The following TPO variants were observed in gnomAD, a reference collection of about 807,000 sequenced individuals.
TPO encodes the protein thyroid peroxidase.
In TPO, 78 loss-of-function variants were observed where a neutral mutation model predicts 96.9. The observed-to-expected ratio is 0.81, with a 90% CI of 0.67 to 0.97. The LOEUF (loss-of-function observed/expected upper bound fraction) is 0.97, where lower values mean the gene tolerates loss of function less well. Among genes scored for constraint, TPO ranks in the 50% least tolerant of loss-of-function variants. TPO has a pLI of 0.00. For synonymous variants in TPO, 547 were observed against 538.0 expected, an observed-to-expected ratio of 1.02 and a Z score of -0.23; for missense variants, 1,252 against 1,274.8, an observed-to-expected ratio of 0.98 and a Z score of 0.27.
intron 1 of TPO, among the ~76,000 whole-genome samples, chr2:1,403,562 T>C (rs1320126222): frequency 6.6e-6 from 1 of 152,126 alleles, no homozygotes; most frequent in Admixed American, 6.5e-5. Flanking sequence ...GCACCGTGGG[T>C]GGGGGACACT....
chr2:1,500,745 T>G (rs1455307393), intron 13 of TPO, among the ~76,000 whole-genome samples: 1 of 152,082 alleles, frequency 6.6e-6, no homozygotes, highest in Non-Finnish European at 1.5e-5. Flanking sequence ...GGCAGGTGGA[T>G]CATGAAGTCA....
At chr2:1,449,338 T>C (rs1037434519) in intron 5 of TPO, among the ~76,000 whole-genome samples, 1 of 152,248 alleles carries the variant, frequency 6.6e-6, no homozygotes. Flanking sequence ...ATTTTCTTTT[T>C]TTCTATGTAT....
At chr2:1,446,049 A>G (rs545806812) in intron 5 of TPO, among the ~76,000 whole-genome samples, 201 of 152,300 alleles carry the variant, frequency 1.3e-3, no homozygotes, top group Non-Finnish European at 2.2e-3. Flanking sequence ...GGTACGACTT[A>G]TGCAGGGCTT....
chr2:1,515,258 C>G (rs1030664012), intron 14 of TPO, among the ~76,000 whole-genome samples: 5 of 152,206 alleles, frequency 3.3e-5, no homozygotes, highest in Non-Finnish European at 7.3e-5. Context: ...CAGATGGAAA[C>G]AAGAACCCAG....
In TPO at chr2:1,499,154, G is replaced by C. The variant is rs560645341; in HGVS notation, c.2386+2389G>C. On this transcript the variant is annotated intron_variant, in intron 13 of 16. Coordinates refer to ENST00000329066, the MANE Select transcript of TPO (RefSeq NM_001206744.2). Reference sequence around the variant, plus strand: ...TGGGTGAGACCTTAGAGTGGATCAGGAAGGGAGACTGCTGGAGTCCTACAA... The same window carrying C: ...TGGGTGAGACCTTAGAGTGGATCAGCAAGGGAGACTGCTGGAGTCCTACAA... 2.7e-4 allele frequency among the ~76,000 whole-genome samples: 41 copies of C among 152,214 alleles called. No individual in the cohort carries two copies. The South Asian group carries it at 7.7e-3, about 29-fold the overall frequency.
chr2:1,390,168 A>G (rs1409208569), intron 1 of TPO, among the ~76,000 whole-genome samples: 1 of 150,294 alleles, frequency 6.7e-6, no homozygotes, highest in Non-Finnish European at 1.5e-5. Flanking sequence ...ATCCCCCCCC[A>G]GCTCCCCAGC....
rs1573374045 is a variant in TPO at position 1,482,937 on chromosome 2, T to C, written c.1339-1659T>C. Among the ~76,000 whole-genome samples, 4 of 152,294 alleles carry C rather than the reference T, an allele frequency of 2.6e-5. 1 individual carries two copies. The highest frequency in any genetic ancestry group is 2.6e-4 in the Admixed American group (4 of 15,302). ...CTCAAGCAATCCTCCCACTTTGGCCTCCCAAAGTGCTGGGATTACAGGCGC... is the reference window on the plus strand; with the variant it reads ...CTCAAGCAATCCTCCCACTTTGGCCCCCCAAAGTGCTGGGATTACAGGCGC... On this transcript the variant is annotated intron_variant, in intron 8 of 16. Coordinates refer to ENST00000329066, the MANE Select transcript of TPO (RefSeq NM_001206744.2).
At chr2:1,466,146 G>A (rs572728813) in intron 7 of TPO, among the ~76,000 whole-genome samples, 5 of 152,226 alleles carry the variant, frequency 3.3e-5, no homozygotes, top group African/African-American at 1.2e-4. Flanking sequence ...CTATCGAGAC[G>A]ATCATGTGAT....
intron 15 of TPO, among the ~76,000 whole-genome samples, chr2:1,532,604 T>A: frequency 1.6e-5 from 1 of 63,608 alleles, no homozygotes; most frequent in Non-Finnish European, 3.0e-5. Context: ...CCCCACAGTG[T>A]GCAATCTCCA....
At chr2:1,381,526 C>T (rs1293997111) in intron 1 of TPO, among the ~76,000 whole-genome samples, 1 of 152,178 alleles carries the variant, frequency 6.6e-6, no homozygotes, top group Non-Finnish European at 1.5e-5. Context: ...TCCACCCAGG[C>T]CCCTCCTCCA....
intron 15 of TPO, among the ~76,000 whole-genome samples, chr2:1,532,356 C>T (rs1175622561): frequency 1.2e-5 from 1 of 84,796 alleles, no homozygotes; most frequent in Non-Finnish European, 2.4e-5. Context: ...GCAACCTCCA[C>T]AAATACCCCC....
intron 1 of TPO, among the ~76,000 whole-genome samples, chr2:1,396,564 G>T (rs1181175287): frequency 6.6e-6 from 1 of 152,188 alleles, no homozygotes; most frequent in Non-Finnish European, 1.5e-5. Context: ...GACAGGTGTG[G>T]TTATGTTCTG....
chr2:1,399,047 G>C (rs1018779637), intron 1 of TPO, among the ~76,000 whole-genome samples: 15 of 152,204 alleles, frequency 9.9e-5, no homozygotes, highest in African/African-American at 3.1e-4. Context: ...TCCCTCTTCT[G>C]TTTCTTGGAG....
At chr2:1,453,856 A>G (rs747959853) in intron 6 of TPO, 33 bp downstream of exon 6, 1 of 1,613,360 alleles carries the variant, frequency 6.2e-7, no homozygotes, top group South Asian at 1.1e-5. Flanking sequence ...TCCTGGACTA[A>G]GATTGGGTCC....
chr2:1,496,071 G>A lies in TPO; in HGVS notation c.2089G>A (p.Asp697Asn). 1 of 1,614,048 alleles carries A rather than the reference G, an allele frequency of 6.2e-7. No homozygotes were observed. The highest frequency in any genetic ancestry group is 1.1e-5 in the South Asian group (1 of 91,054). Residue 697 changes from aspartate (D) to asparagine (N), a missense_variant, in exon 12 of 17, where the codon GAC becomes AAC. Coordinates refer to ENST00000329066, the MANE Select transcript of TPO (RefSeq NM_001206744.2). ...GCACTCCCTGTCTCGGGTCATCTGTGACAACACTGGCCTCACCAGGGTGCC... is the reference window on the plus strand; with the variant it reads ...GCACTCCCTGTCTCGGGTCATCTGTAACAACACTGGCCTCACCAGGGTGCC... ...EKHSLSRVIC[D>N]NTGLTRVPMD...
chr2:1,517,527 C>T (rs1558394251), intron 15 of TPO, among the ~76,000 whole-genome samples: 1 of 152,014 alleles, frequency 6.6e-6, no homozygotes, highest in African/African-American at 2.4e-5. Context: ...TGGTCCATGT[C>T]CCTAGCCCTG....
At chr2:1,462,972 G>A (rs1042384414) in intron 7 of TPO, among the ~76,000 whole-genome samples, 20 of 152,158 alleles carry the variant, frequency 1.3e-4, no homozygotes, top group African/African-American at 4.8e-4. Context: ...AGATGATATT[G>A]TACTTGTCAC....
intron 10 of TPO, among the ~76,000 whole-genome samples, chr2:1,493,423 G>A (rs964689745): frequency 1.3e-5 from 2 of 152,178 alleles, no homozygotes; most frequent in Middle Eastern, 3.4e-3. Context: ...TCTGGCGTCC[G>A]AGCTGGAACA....
chr2:1,526,986 CTG>C (rs1468796947), intron 15 of TPO, among the ~76,000 whole-genome samples: 1 of 140,206 alleles, frequency 7.1e-6, no homozygotes, highest in Non-Finnish European at 1.5e-5. Flanking sequence ...AATCCCCACA[CTG>C]TGTGCAACCT....
Sources: gnomAD v4.1 joint callset for allele counts (sites outside exome capture counted in the v4.1 genomes callset) on GRCh38, gnomAD v4.1.1 for gene constraint, MANE v1.5 for transcripts, NCBI Gene and HGNC (gene_info 2026-07-23, HGNC 2026-07-21) for gene names.